The following WDR4 variants were observed in gnomAD, a reference collection of about 807,000 sequenced individuals.
WDR4 encodes the protein tRNA (guanine-N(7)-)-methyltransferase non-catalytic subunit WDR4.
Under a neutral mutation model 48.6 loss-of-function variants are expected in WDR4, and 47 were observed. The ratio of observed to expected loss-of-function variants is 0.97; its 90% confidence interval spans 0.77 to 1.23. The LOEUF is 1.23. Ranked by LOEUF, WDR4 falls within the 50% of genes most tolerant of loss-of-function variation. The probability of loss-of-function intolerance (pLI) is 0.00; values close to 1 mark genes in which losing one functional copy is unlikely to be tolerated. For missense variants in WDR4, 606 were observed against 551.6 expected, an observed-to-expected ratio of 1.10 and a Z score of -0.99; for synonymous variants, 268 against 230.0, an observed-to-expected ratio of 1.17 and a Z score of -1.49.
chr21:42,861,372 G>C (rs1425858540), intron 5 of WDR4, among the ~76,000 whole-genome samples: 1 of 148,936 alleles, frequency 6.7e-6, no homozygotes, highest in Non-Finnish European at 1.5e-5. Context: ...AGGGAGGGAG[G>C]GAGCAGTTGA....
At chr21:42,891,398 C>T in the WDR4 span, among the ~76,000 whole-genome samples, 581 of 152,018 alleles carry the variant, frequency 3.8e-3, 4 homozygotes, top group African/African-American at 0.013. Flanking sequence ...CCAACCTGGC[C>T]GGTGACCACG....
At chr21:42,851,270 A>T (rs1030300328) in intron 10 of WDR4, among the ~76,000 whole-genome samples, 1 of 152,168 alleles carries the variant, frequency 6.6e-6, no homozygotes, top group South Asian at 2.1e-4. Flanking sequence ...GCCCACTCTG[A>T]AGTGTTCCTA....
At chr21:42,858,582 TC>T (rs1484429484) in intron 6 of WDR4, among the ~76,000 whole-genome samples, 1 of 152,210 alleles carries the variant, frequency 6.6e-6, no homozygotes, top group East Asian at 1.9e-4. Flanking sequence ...GATGACGTGT[TC>T]CACTCAAACA....
chr21:42,875,915 G>GTTTTT (rs1569337249), intron 2 of WDR4, among the ~76,000 whole-genome samples: 8 of 68,202 alleles, frequency 1.2e-4, no homozygotes, highest in African/African-American at 1.8e-4. Flanking sequence ...CTAACACTGT[G>GTTTTT]CTTTTTTTTT....
intron 6 of WDR4, 69 bp downstream of exon 6, chr21:42,859,593 A>AGGG: frequency 5.4e-6 from 3 of 553,760 alleles, no homozygotes; most frequent in Non-Finnish European, 9.2e-6. Flanking sequence ...CAGGTCCAGG[A>AGGG]GGCGCCCACC....
chr21:42,867,505 G>C (rs1010478676), intron 3 of WDR4, among the ~76,000 whole-genome samples: 1 of 151,954 alleles, frequency 6.6e-6, no homozygotes, highest in Non-Finnish European at 1.5e-5. Context: ...CCAAATGCTC[G>C]GGACGAAAAG....
chr21:42,854,320 G>A (rs761457062), intron 8 of WDR4, among the ~76,000 whole-genome samples: 3 of 152,232 alleles, frequency 2.0e-5, no homozygotes, highest in Non-Finnish European at 4.4e-5. Flanking sequence ...CCAGGCAGAG[G>A]CTGCTGGTGC....
At chr21:42,879,821 G>A, upstream of WDR4, 2 of 412,060 alleles carry the variant, frequency 4.9e-6, no homozygotes, top group East Asian at 3.5e-5. Context: ...TTTTTCCGCG[G>A]TAGCTGGAGA....
chr21:42,881,257 A>T (rs923084551), upstream of WDR4, among the ~76,000 whole-genome samples: 5 of 152,130 alleles, frequency 3.3e-5, no homozygotes, highest in Admixed American at 2.0e-4. Flanking sequence ...CATTATTCTT[A>T]AGGCCATATT....
intron 2 of WDR4, 29 bp downstream of exon 2, chr21:42,876,673 G>A (rs765309130): frequency 1.2e-6 from 2 of 1,605,760 alleles, no homozygotes; most frequent in Non-Finnish European, 1.7e-6. Flanking sequence ...CATTAAAGCA[G>A]GCCCTGAAAA....
At chr21:42,865,614 T>G (rs2083925984) in intron 3 of WDR4, among the ~76,000 whole-genome samples, 1 of 152,146 alleles carries the variant, frequency 6.6e-6, no homozygotes, top group South Asian at 2.1e-4. Flanking sequence ...AGCTGAGCCT[T>G]ACTCGCAGGC....
chr21:42,879,636 G>A, upstream of WDR4: 1 of 1,061,396 alleles, frequency 9.4e-7, no homozygotes, highest in Non-Finnish European at 1.3e-6. Context: ...AGCCTGCCTT[G>A]AGCATGCGTG....
rs564155500 is a variant in WDR4 at position 42,877,554 on chromosome 21, T to C, written c.90-787A>G. 6.6e-5 allele frequency among the ~76,000 whole-genome samples: 10 copies of C among 152,218 alleles called. No homozygotes were observed. The South Asian group carries it at 2.1e-3, about 32-fold the overall frequency. On this transcript the variant is annotated intron_variant, in intron 1 of 10. Transcript: ENST00000398208. ...ACTCATTAAATTAAAAGTTGTATACTTGACAAGAAAACTGTCTAGATACAA... is the reference window on the plus strand; with the variant it reads ...ACTCATTAAATTAAAAGTTGTATACCTGACAAGAAAACTGTCTAGATACAA...
At position 42,855,685 on chromosome 21, in the gene WDR4, G is replaced by T; in HGVS notation, c.723C>A (p.Pro241=). The T allele has an allele frequency of 6.5e-7, 1 of 1,549,304 alleles. No homozygotes were observed. Residue 241 remains proline, a synonymous_variant, in exon 7 of 11, where the codon CCC becomes CCA. Transcript: ENST00000398208. ...AGGAGTGAACAGAAGCAGCTACCTG[G>T]GGGGCCTGGGGGTCCACCAGCTCCT... is the stretch of plus-strand genomic sequence containing the variant. The part of the protein sequence containing the change: ...SLQELVDPQA[P]QKFAASRIAF...
chr21:42,880,147 TC>T (rs1478473672), upstream of WDR4, among the ~76,000 whole-genome samples: 2 of 150,460 alleles, frequency 1.3e-5, no homozygotes, highest in African/African-American at 2.4e-5. Flanking sequence ...AAAAAAAATG[TC>T]CAAGATGTGG....
At chr21:42,892,821 G>T in the WDR4 span, among the ~76,000 whole-genome samples, 1 of 152,232 alleles carries the variant, frequency 6.6e-6, no homozygotes, top group African/African-American at 2.4e-5. Context: ...CCGACAGAGG[G>T]TGAGGGAGCT....
At chr21:42,881,363 C>T (rs1191538881), upstream of WDR4, among the ~76,000 whole-genome samples, 1 of 152,192 alleles carries the variant, frequency 6.6e-6, no homozygotes, top group Non-Finnish European at 1.5e-5. Flanking sequence ...CTTTCCCCAG[C>T]TTCAACCCAA....
At chr21:42,844,252 A>C (rs1335255394), downstream of WDR4, among the ~76,000 whole-genome samples, 1 of 152,170 alleles carries the variant, frequency 6.6e-6, no homozygotes, top group Non-Finnish European at 1.5e-5. Flanking sequence ...ATATTTCCAA[A>C]TTGCATAAAA....
At chr21:42,848,663 G>A (rs1485849095), downstream of WDR4, among the ~76,000 whole-genome samples, 2 of 105,090 alleles carry the variant, frequency 1.9e-5, no homozygotes, top group Admixed American at 1.1e-4. Flanking sequence ...ACGATCACGC[G>A]GCGCGCACCT....
Sources: gnomAD v4.1 joint callset for allele counts (sites outside exome capture counted in the v4.1 genomes callset) on GRCh38, gnomAD v4.1.1 for gene constraint, MANE v1.5 for transcripts, NCBI Gene and HGNC (gene_info 2026-07-23, HGNC 2026-07-21) for gene names.